PARP12: variants seen among roughly 807,000 people sequenced by gnomAD.
PARP12 encodes protein mono-ADP-ribosyltransferase PARP12.
In PARP12, 59 loss-of-function variants were observed where a neutral mutation model predicts 72.4. The ratio of observed to expected loss-of-function variants is 0.81; its 90% CI spans 0.66 to 1.01. The LOEUF (loss-of-function observed/expected upper bound fraction) is 1.01, where lower values mean the gene tolerates loss of function less well. Among genes scored for constraint, PARP12 ranks in the 50% least tolerant of loss-of-function variants. The probability of loss-of-function intolerance (pLI) is 0.00; values close to 1 mark genes in which losing one functional copy is unlikely to be tolerated. For synonymous variants in PARP12, 403 were observed against 371.4 expected (o/e 1.09, Z -0.98); for missense variants, 851 against 914.0 (o/e 0.93, Z 0.89).
chr7:140,049,555 G>A (rs1295646433), intron 4 of PARP12, among the ~76,000 whole-genome samples: 1 of 152,206 alleles, frequency 6.6e-6, no homozygotes, highest in African/African-American at 2.4e-5. Flanking sequence ...AGGCACAGGT[G>A]TACTATGGAC....
chr7:140,037,637 C>T (rs1280400122), intron 7 of PARP12, 78 bp downstream of exon 7: 12 of 1,572,220 alleles, frequency 7.6e-6, no homozygotes, highest in Middle Eastern at 1.7e-4. Flanking sequence ...TATGTGCACA[C>T]GGCTCCTCCA....
At position 140,037,496 on chromosome 7, in the gene PARP12, C is replaced by T. The variant is rs144445268; in HGVS notation, c.1324+219G>A. On this transcript the variant is annotated intron_variant, in intron 7 of 11. Coordinates refer to ENST00000263549, the MANE Select transcript of PARP12 (RefSeq NM_022750.4). ...CTCCACACTTGGGGCTCCTGCCCCT[C>T]CTGGGGTCCATTCTCCTCACATCCT... Among the ~76,000 whole-genome samples, 489 of 152,346 alleles carry T rather than the reference C, an allele frequency of 3.2e-3. 5 individuals are homozygous for T. Among genetic ancestry groups the T allele is most frequent in the African/African-American group, 0.011 (465 of 41,590 alleles).
chr7:140,034,720 T>C (rs1360793286), intron 7 of PARP12: 1 of 169,552 alleles, frequency 5.9e-6, no homozygotes, highest in African/African-American at 2.4e-5. Context: ...AGAGTTAATG[T>C]AAGTTTTATG....
At chr7:140,061,834 A>G (rs1817456572) in intron 1 of PARP12, among the ~76,000 whole-genome samples, 1 of 152,076 alleles carries the variant, frequency 6.6e-6, no homozygotes, top group Non-Finnish European at 1.5e-5. Flanking sequence ...GTTCCCTGTG[A>G]CCAAGAGTAA....
chr7:140,041,719 T>C lies in PARP12; in HGVS notation c.1107A>G (p.Pro369=). Residue 369 remains proline, a synonymous_variant, in exon 6 of 12, where the codon CCA becomes CCG. Transcript: ENST00000263549. ...LSTASSVTKP[P]HFILTTDWIW... is the part of the protein sequence containing the mutation. ...TCCAGTCAGTGGTGAGGATGAAGTGTGGAGGTTTGGTGACAGAGGAGGCCG... is the reference window on the plus strand; with the variant it reads ...TCCAGTCAGTGGTGAGGATGAAGTGCGGAGGTTTGGTGACAGAGGAGGCCG... 1 of 1,614,016 alleles carries C rather than the reference T, an allele frequency of 6.2e-7. No homozygotes were observed. The highest frequency in any genetic ancestry group is 1.6e-4 in the Middle Eastern group (1 of 6,062).
Position 140,028,595 on chromosome 7 carries a change from G to A in PARP12, c.1497+18C>T. 2 of 1,566,176 alleles carry A rather than the reference G, an allele frequency of 1.3e-6. No individual in the cohort carries two copies. Among genetic ancestry groups the A allele is most frequent in the Non-Finnish European group, 1.7e-6 (2 of 1,153,572 alleles). Reference sequence around the variant, plus strand: ...CAGAACACCTTCCTGTCCAGCCCCAGGCGCATGCGTCCCCTACCTGAAAGC... The same window carrying A: ...CAGAACACCTTCCTGTCCAGCCCCAAGCGCATGCGTCCCCTACCTGAAAGC... On this transcript the variant is annotated intron_variant, in intron 9 of 11. Transcript: ENST00000263549.
chr7:140,041,558 C>A, intron 6 of PARP12, 86 bp downstream of exon 6: 1 of 1,376,190 alleles, frequency 7.3e-7, no homozygotes. Flanking sequence ...CAAGGATGCC[C>A]CTGGCAACAA....
intron 4 of PARP12, among the ~76,000 whole-genome samples, chr7:140,050,419 C>T (rs756700979): frequency 6.6e-5 from 10 of 152,274 alleles, no homozygotes; most frequent in Non-Finnish European, 1.5e-4. Context: ...CCAAAGCCCC[C>T]GTCCCAGTCC....
intron 9 of PARP12, 149 bp from the exon 10 acceptor site, chr7:140,027,555 CAGGAG>C: frequency 1.1e-6 from 1 of 913,806 alleles, no homozygotes; most frequent in Non-Finnish European, 1.6e-6. Flanking sequence ...TCTCCAGGCA[CAGGAG>C]ACAATCGGTC....
chr7:140,035,119 G>C (rs1339755329), intron 7 of PARP12, among the ~76,000 whole-genome samples: 2 of 152,094 alleles, frequency 1.3e-5, no homozygotes, highest in African/African-American at 2.4e-5. Flanking sequence ...AAAAATTATA[G>C]GTGTCCAGAA....
chr7:140,057,357 A>T, intron 2 of PARP12: 1 of 599,436 alleles, frequency 1.7e-6, no homozygotes, highest in Non-Finnish European at 2.9e-6. Flanking sequence ...TGGAAAGGAG[A>T]CTGCACAGAA....
chr7:140,054,787 A>C (rs1454802690), intron 3 of PARP12, 24 bp from the exon 4 acceptor site: 1 of 1,566,270 alleles, frequency 6.4e-7, no homozygotes, highest in South Asian at 1.1e-5. Flanking sequence ...CCACAAAGAT[A>C]TGTCAGCTTC....
intron 4 of PARP12, among the ~76,000 whole-genome samples, chr7:140,052,289 A>AGTTACTGTTT (rs1816995638): frequency 6.6e-6 from 1 of 152,236 alleles, no homozygotes. Context: ...GTCTGGTGTC[A>AGTTACTGTTT]GTTACTGTTT....
intron 8 of PARP12, chr7:140,033,237 C>T (rs1474021301): frequency 1.0e-6 from 1 of 985,250 alleles, no homozygotes; most frequent in Non-Finnish European, 1.2e-6. Context: ...AGGCACATTC[C>T]CAGGAAATTA....
At chr7:140,036,701 C>T (rs1232971885) in intron 7 of PARP12, among the ~76,000 whole-genome samples, 2 of 152,066 alleles carry the variant, frequency 1.3e-5, no homozygotes, top group African/African-American at 4.8e-5. Flanking sequence ...TTATAAAATG[C>T]TGAACATTCA....
At chr7:140,054,593 G>T in intron 4 of PARP12, 69 bp downstream of exon 4, 1 of 1,338,038 alleles carries the variant, frequency 7.5e-7, no homozygotes, top group Non-Finnish European at 1.1e-6. Context: ...TGACTTCAGA[G>T]CACAGCTCTG....
chr7:140,030,510 A>G (rs550836913), intron 8 of PARP12, among the ~76,000 whole-genome samples: 1 of 152,342 alleles, frequency 6.6e-6, no homozygotes, highest in East Asian at 1.9e-4. Context: ...AGACAGGAGA[A>G]TCGCTTGAAC....
chr7:140,024,338 A>C lies in PARP12; in HGVS notation c.*222T>G, dbSNP rs964004648. Reference sequence around the variant, plus strand: ...ACTTCAACACATTATTAAAAAGCAAAACTGGACTCAACTACAATCACTTCT... The same window carrying C: ...ACTTCAACACATTATTAAAAAGCAACACTGGACTCAACTACAATCACTTCT... On this transcript the variant is annotated 3_prime_UTR_variant, in exon 12 of 12. Transcript: ENST00000263549. The C allele has an allele frequency of 1.7e-6, 1 of 579,198 alleles. No individual in the cohort carries two copies. The highest frequency in any genetic ancestry group is 1.9e-5 in the African/African-American group (1 of 53,380). The allele number at this position is 579,198 out of a possible 1,614,324, so 35.9% of individuals were successfully genotyped here. A position where few individuals can be genotyped will look rare whatever the true frequency, so the allele number is the denominator to read the frequency against.
chr7:140,026,459 C>T, intron 10 of PARP12, 111 bp from the exon 11 acceptor site: 1 of 1,431,068 alleles, frequency 7.0e-7, no homozygotes. Flanking sequence ...GTCCTGGGAC[C>T]AAGAGACGCA....
Sources: allele counts gnomAD v4.1 joint callset (sites outside exome capture counted in the v4.1 genomes callset), GRCh38; gene constraint gnomAD v4.1.1; transcripts MANE v1.5; gene names NCBI Gene and HGNC (gene_info 2026-07-23, HGNC 2026-07-21).